The following GPHN variants were observed in gnomAD, a reference collection of about 807,000 sequenced individuals.
GPHN encodes gephyrin.
Under a neutral mutation model 95.5 loss-of-function variants are expected in GPHN, and 17 were observed. The ratio of observed to expected loss-of-function variants is 0.18; its 90% CI spans 0.12 to 0.27. GPHN has a LOEUF of 0.27. GPHN is among the 10% of genes least tolerant of loss of function. The probability of loss-of-function intolerance (pLI) is 1.00; values close to 1 mark genes in which losing one functional copy is unlikely to be tolerated. For synonymous variants in GPHN, 320 were observed against 322.5 expected (o/e 0.99, Z 0.08); for missense variants, 660 against 978.1 (o/e 0.67, Z 4.34).
chr14:66,996,295 C>A, intron 9 of GPHN: 1 of 980,676 alleles, frequency 1.0e-6, no homozygotes, highest in Non-Finnish European at 1.6e-6. Context: ...ATTTTCCTTT[C>A]GCCTTAATTT....
At chr14:67,182,138 CA>C (rs1210855423), downstream of GPHN, among the ~76,000 whole-genome samples, 1 of 152,092 alleles carries the variant, frequency 6.6e-6, no homozygotes, top group Non-Finnish European at 1.5e-5. Context: ...AATCCAATTT[CA>C]AACATCTACA....
chr14:67,601,935 T>C, the GPHN span, among the ~76,000 whole-genome samples: 11 of 152,198 alleles, frequency 7.2e-5, no homozygotes, highest in Non-Finnish European at 1.6e-4. Context: ...GTCTCTCTGA[T>C]GAAAGGTTCC....
the GPHN span, among the ~76,000 whole-genome samples, chr14:67,474,570 G>A: frequency 3.9e-5 from 6 of 151,954 alleles, no homozygotes; most frequent in African/African-American, 1.4e-4. Context: ...TTGTGTGTGT[G>A]CATGCCATTT....
intron 9 of GPHN, among the ~76,000 whole-genome samples, chr14:66,974,349 G>A (rs1047001436): frequency 4.0e-5 from 6 of 151,212 alleles, no homozygotes; most frequent in African/African-American, 7.3e-5. Flanking sequence ...TTCTTTTTTC[G>A]TTCATGCAAG....
At chr14:67,508,490 G>A in the GPHN span, among the ~76,000 whole-genome samples, 1 of 152,050 alleles carries the variant, frequency 6.6e-6, no homozygotes, top group African/African-American at 2.4e-5. Flanking sequence ...CTTGCACACT[G>A]TTCCATCATA....
chr14:67,408,787 C>A, the GPHN span, among the ~76,000 whole-genome samples: 1 of 152,146 alleles, frequency 6.6e-6, no homozygotes, highest in African/African-American at 2.4e-5. Flanking sequence ...TTTTCTTCTA[C>A]GCATATTTTT....
the GPHN span, chr14:67,579,928 G>T: frequency 6.6e-7 from 1 of 1,521,690 alleles, no homozygotes; most frequent in African/African-American, 1.4e-5. Context: ...AGGGATATTG[G>T]TGGTGGGGAA....
chr14:67,392,400 G>GGCTT, the GPHN span: 1 of 1,613,624 alleles, frequency 6.2e-7, no homozygotes, highest in African/African-American at 1.3e-5. Context: ...TCTTCCTTGG[G>GGCTT]GCTTATCTTC....
intron 1 of GPHN, among the ~76,000 whole-genome samples, chr14:66,561,766 A>G (rs2060257673): frequency 6.6e-6 from 1 of 152,156 alleles, no homozygotes; most frequent in Non-Finnish European, 1.5e-5. Context: ...GTTGTGCCTT[A>G]AGCAATAAAA....
chr14:67,089,435 G>T lies in GPHN; in HGVS notation c.1237+360G>T, dbSNP rs184600219. ...TACAATGCATAATAATCACATCAGG[G>T]TAAATGTGGTATCTGTCACATCAAG... On this transcript the variant is annotated intron_variant, in intron 12 of 22. Transcript: ENST00000478722. 1.5e-3 allele frequency among the ~76,000 whole-genome samples: 224 copies of T among 152,118 alleles called. 2 individuals carry two copies. Among genetic ancestry groups the T allele is most frequent in the Non-Finnish European group, 1.5e-3 (99 of 67,972 alleles).
the GPHN span, among the ~76,000 whole-genome samples, chr14:67,187,651 C>G: frequency 6.6e-6 from 1 of 152,222 alleles, no homozygotes; most frequent in Admixed American, 6.5e-5. Context: ...CCTCCATCAT[C>G]TAGGCTCTTC....
At chr14:67,138,981 G>C (rs1387421504) in intron 17 of GPHN, among the ~76,000 whole-genome samples, 1 of 148,242 alleles carries the variant, frequency 6.7e-6, no homozygotes, top group East Asian at 2.0e-4. Context: ...CCAGCACTTT[G>C]GGAGGCCAAG....
chr14:67,518,663 C>G, the GPHN span, among the ~76,000 whole-genome samples: 1 of 152,170 alleles, frequency 6.6e-6, no homozygotes, highest in African/African-American at 2.4e-5. Context: ...TGCCCTTCCC[C>G]CAAAGGAAAC....
the GPHN span, chr14:67,649,300 T>C: frequency 2.6e-5 from 4 of 152,122 alleles, no homozygotes; most frequent in Admixed American, 2.6e-4. Flanking sequence ...GGCAAGAGGA[T>C]TACTTGACCC....
rs1027642408 is a variant in GPHN at position 66,669,564 on chromosome 14, T to C, written c.65-11543T>C. ...TTTGACACTCAGATGATATTAACTTTAGTTCTTTTGTTATTGTTTGACAAT... is the reference window on the plus strand; with the variant it reads ...TTTGACACTCAGATGATATTAACTTCAGTTCTTTTGTTATTGTTTGACAAT... On this transcript the variant is annotated intron_variant, in intron 1 of 22. Transcript: ENST00000478722. 5.3e-5 allele frequency among the ~76,000 whole-genome samples: 8 copies of C among 152,130 alleles called. 1 individual carries two copies. The East Asian group carries it at 1.3e-3, about 26-fold the overall frequency.
In GPHN at chr14:66,780,146, T is replaced by TA. The variant is rs1454089976; in HGVS notation, c.201+3630dup. 2.6e-5 allele frequency among the ~76,000 whole-genome samples: 4 copies of TA among 152,312 alleles called. No homozygotes were observed. The East Asian group carries it at 7.7e-4, about 29-fold the overall frequency. ...TGAGTAGATGGTGTTGCTGTTAACTTAAAAAGGATGTTTTGGAGACAGAAT... is the reference window on the plus strand; with the variant it reads ...TGAGTAGATGGTGTTGCTGTTAACTTAAAAAAGGATGTTTTGGAGACAGAAT... On this transcript the variant is annotated intron_variant, in intron 3 of 22. Transcript: ENST00000478722.
At chr14:67,363,644 T>G in the GPHN span, among the ~76,000 whole-genome samples, 4 of 152,084 alleles carry the variant, frequency 2.6e-5, no homozygotes, top group Admixed American at 6.6e-5. Context: ...ATCTATAAAA[T>G]GGGGAGAACT....
intron 3 of GPHN, among the ~76,000 whole-genome samples, chr14:66,796,320 C>T (rs1050810594): frequency 6.7e-6 from 1 of 148,234 alleles, no homozygotes; most frequent in Non-Finnish European, 1.5e-5. Context: ...ATATTGTTTC[C>T]TTTTTTTTTT....
chr14:67,562,215 C>T, the GPHN span: 17 of 1,611,554 alleles, frequency 1.1e-5, no homozygotes, highest in East Asian at 4.5e-5. Flanking sequence ...CCTTCAGAGC[C>T]GGGAATCCAG....
Sources: allele counts gnomAD v4.1 joint callset (sites outside exome capture counted in the v4.1 genomes callset), GRCh38; gene constraint gnomAD v4.1.1; transcripts MANE v1.5; gene names NCBI Gene and HGNC (gene_info 2026-07-23, HGNC 2026-07-21).